The following ZNF420 variants were observed in gnomAD, a reference collection of about 807,000 sequenced individuals.
ZNF420 encodes the protein ATM and p53-associated KZNF protein.
In ZNF420, 31 loss-of-function variants were observed where a neutral mutation model predicts 44.7. That is an observed-to-expected ratio of 0.69 (90% confidence interval 0.52 to 0.94). The LOEUF is 0.94. ZNF420 is among the 40% of genes least tolerant of loss of function. The pLI, the probability that ZNF420 is intolerant of heterozygous loss-of-function variation, is 0.00. For synonymous variants in ZNF420, 245 were observed against 267.4 expected (o/e 0.92, Z 0.82); for missense variants, 681 against 827.9 (o/e 0.82, Z 2.18).
chr19:37,035,192 C>T (rs1161192622), intron 1 of ZNF420, among the ~76,000 whole-genome samples: 3 of 152,102 alleles, frequency 2.0e-5, no homozygotes, highest in Non-Finnish European at 2.9e-5. Flanking sequence ...CCCAAATTTT[C>T]GCCAATCAAA....
intron 4 of ZNF420, chr19:37,109,440 G>T (rs987318984): frequency 6.6e-6 from 1 of 152,248 alleles, no homozygotes; most frequent in Non-Finnish European, 1.5e-5. Context: ...TCTGGAGTTT[G>T]TGTCACCTTT....
intron 4 of ZNF420, among the ~76,000 whole-genome samples, chr19:37,111,063 G>C (rs1296902576): frequency 6.6e-6 from 1 of 152,186 alleles, no homozygotes; most frequent in East Asian, 1.9e-4. Flanking sequence ...ACCAATTAAT[G>C]TAGCTATTTG....
rs769566076 is a variant in ZNF420, at chr19:37,127,175, A to G, written c.184A>G (p.Thr62Ala). The G allele has an allele frequency of 2.6e-6, 4 of 1,562,944 alleles. No homozygotes were observed. The highest frequency in any genetic ancestry group is 3.9e-5 in the Admixed American group (2 of 51,240). The part of the protein sequence containing the change: ...ASKDLSPEKN[T>A]YETELSQWEM... ...TAAGGACTTATCTCCAGAAAAGAACACTTATGAAACAGAATTATCCCAATG... is the reference window on the plus strand; with the variant it reads ...TAAGGACTTATCTCCAGAAAAGAACGCTTATGAAACAGAATTATCCCAATG... Residue 62 changes from threonine (T) to alanine (A), a missense_variant, in exon 5 of 5, where the codon ACT (threonine) becomes GCT (alanine). Thr to Ala is a moderately conservative substitution (Grantham distance 58). Around this residue, in one of 3 missense-constraint regions of ZNF420, gnomAD observed 350 missense variants for 382.5 expected, o/e 0.92. Transcript: ENST00000337995.
At chr19:37,085,434 T>C (rs1968701969) in intron 2 of ZNF420, among the ~76,000 whole-genome samples, 1 of 152,216 alleles carries the variant, frequency 6.6e-6, no homozygotes, top group African/African-American at 2.4e-5. Context: ...GTGTGGGTTC[T>C]CAGGCTCCAC....
At chr19:37,106,997 C>G (rs1970126833) in intron 4 of ZNF420, 1 of 152,148 alleles carries the variant, frequency 6.6e-6, no homozygotes, top group Non-Finnish European at 1.5e-5. Flanking sequence ...TAGCATGTCT[C>G]TCCTCCAGCC....
chr19:37,010,506 T>A (rs922665950), intron 1 of ZNF420, among the ~76,000 whole-genome samples: 1 of 151,998 alleles, frequency 6.6e-6, no homozygotes, highest in Non-Finnish European at 1.5e-5. Flanking sequence ...TCTATGTCTG[T>A]GTGTGTGTGT....
chr19:37,083,430 A>C (rs1968583266), intron 2 of ZNF420, among the ~76,000 whole-genome samples: 1 of 152,110 alleles, frequency 6.6e-6, no homozygotes, highest in Non-Finnish European at 1.5e-5. Flanking sequence ...AAAAAGAAAA[A>C]CTGGAATGAA....
At chr19:37,096,063 C>T (rs1010679472) in intron 4 of ZNF420, 3 of 152,136 alleles carry the variant, frequency 2.0e-5, no homozygotes, top group Non-Finnish European at 4.4e-5. Flanking sequence ...TGTCCTCTGG[C>T]TTCTATTGTT....
intron 1 of ZNF420, among the ~76,000 whole-genome samples, chr19:37,026,176 GTGGGGT>G (rs1245698035): frequency 1.3e-5 from 2 of 151,464 alleles, no homozygotes; most frequent in African/African-American, 4.9e-5. Context: ...GCTGGCGGGG[GTGGGGT>G]TGGGGGGTGA....
intron 1 of ZNF420, among the ~76,000 whole-genome samples, chr19:37,057,587 C>T (rs755317939): frequency 3.3e-5 from 5 of 152,076 alleles, no homozygotes; most frequent in Non-Finnish European, 5.9e-5. Flanking sequence ...TCTTGCATGT[C>T]AACCTGTTTT....
At chr19:37,068,355 A>G (rs910953678) in intron 1 of ZNF420, among the ~76,000 whole-genome samples, 2 of 152,090 alleles carry the variant, frequency 1.3e-5, no homozygotes, top group African/African-American at 4.8e-5. Context: ...AATAAATACA[A>G]ATGGCCGGGC....
rs1198630961 is a variant in ZNF420 at position 37,129,560 on chromosome 19, G to A, written c.*502G>A. ...TTTAGAGAATTTGCATGAGAGGAGA[G>A]TACTTATGAGTATAATGAATATTGA... On this transcript the variant is annotated 3_prime_UTR_variant, in exon 5 of 5. Coordinates refer to ENST00000337995, the MANE Select transcript of ZNF420 (RefSeq NM_144689.5). 2 of 161,088 alleles carry A rather than the reference G, an allele frequency of 1.2e-5. No homozygotes were observed. Among genetic ancestry groups the A allele is most frequent in the South Asian group, 1.7e-4 (1 of 5,800 alleles). 10.0% of individuals were successfully genotyped at this position (161,088 alleles called of 1,614,324 possible).
intron 4 of ZNF420, among the ~76,000 whole-genome samples, chr19:37,125,235 G>A (rs758114806): frequency 4.9e-4 from 75 of 152,124 alleles, no homozygotes; most frequent in Non-Finnish European, 5.9e-5. Flanking sequence ...TCTAGGATGT[G>A]TTCTTCCCAG....
chr19:37,100,943 AT>A (rs1433446661), intron 4 of ZNF420, among the ~76,000 whole-genome samples: 1 of 149,998 alleles, frequency 6.7e-6, no homozygotes, highest in Non-Finnish European at 1.5e-5. Context: ...TCTTTTGTCA[AT>A]GTTTATAGTT....
At chr19:37,062,143 T>C (rs2146442188) in intron 1 of ZNF420, among the ~76,000 whole-genome samples, 1 of 152,292 alleles carries the variant, frequency 6.6e-6, no homozygotes, top group South Asian at 2.1e-4. Context: ...ACTGGACACA[T>C]GGACAGAATA....
chr19:37,110,240 C>T lies in ZNF420; in HGVS notation c.137-16888C>T, dbSNP rs1252492515. 7.2e-5 allele frequency among the ~76,000 whole-genome samples: 11 copies of T among 152,288 alleles called. No homozygotes were observed. The South Asian group carries it at 8.3e-4, about 11-fold the overall frequency. On this transcript the variant is annotated intron_variant, in intron 4 of 4. Transcript: ENST00000337995. ...ATAATCTTCCAAATGAAGGTACATG[C>T]GTGACATCCATTTGCCATAACGCAT...
chr19:37,030,352 G>A (rs140026777), intron 1 of ZNF420, among the ~76,000 whole-genome samples: 12 of 152,236 alleles, frequency 7.9e-5, no homozygotes, highest in South Asian at 2.1e-4. Context: ...TAGCAGAGAC[G>A]GGGTTTCACC....
At chr19:37,037,633 G>T (rs1211909061) in intron 1 of ZNF420, among the ~76,000 whole-genome samples, 2 of 152,208 alleles carry the variant, frequency 1.3e-5, no homozygotes, top group African/African-American at 4.8e-5. Flanking sequence ...CCTGTTTCAG[G>T]TGGACAGTTC....
intron 1 of ZNF420, among the ~76,000 whole-genome samples, chr19:37,032,681 T>G (rs1950499667): frequency 1.3e-5 from 2 of 152,118 alleles, no homozygotes; most frequent in African/African-American, 4.8e-5. Context: ...GGCACGTGCC[T>G]GTAATCCCAG....
Sources: gnomAD v4.1 joint callset for allele counts (sites outside exome capture counted in the v4.1 genomes callset) on GRCh38, gnomAD v4.1.1 for gene constraint, gnomAD v4.1.1 regional missense constraint, MANE v1.5 for transcripts, NCBI Gene and HGNC (gene_info 2026-07-23, HGNC 2026-07-21) for gene names.